The following CSGALNACT1 variants were observed in gnomAD, a reference collection of about 807,000 sequenced individuals.
CSGALNACT1 encodes chondroitin sulfate N-acetylgalactosaminyltransferase 1, also known as beta4GalNAcT-1.
A neutral mutation model predicts 51.0 loss-of-function variants in CSGALNACT1; 52 were observed. The ratio of observed to expected loss-of-function variants is 1.02; its 90% CI spans 0.82 to 1.29. The LOEUF (loss-of-function observed/expected upper bound fraction) is 1.29. CSGALNACT1 is among the 50% of genes most tolerant of loss of function. The probability of loss-of-function intolerance (pLI) is 0.00; values close to 1 mark genes in which losing one functional copy is unlikely to be tolerated. For missense variants in CSGALNACT1, 935 were observed against 679.2 expected (o/e 1.38, Z -4.19); for synonymous variants, 341 against 254.4 (o/e 1.34, Z -3.24).
intron 4 of CSGALNACT1, among the ~76,000 whole-genome samples, chr8:19,497,094 G>A (rs2075624017): frequency 6.6e-6 from 1 of 152,148 alleles, no homozygotes; most frequent in Admixed American, 6.5e-5. Context: ...AAGGCGGAGT[G>A]GGGACAGGAA....
chr8:19,463,332 C>G (rs1485306752), intron 4 of CSGALNACT1, among the ~76,000 whole-genome samples: 11 of 152,146 alleles, frequency 7.2e-5, no homozygotes, highest in Admixed American at 7.2e-4. Context: ...CCAGCAAAAG[C>G]CATACCCAGC....
chr8:19,509,270 C>A (rs967175921), intron 3 of CSGALNACT1, among the ~76,000 whole-genome samples: 1 of 152,110 alleles, frequency 6.6e-6, no homozygotes, highest in African/African-American at 2.4e-5. Context: ...CCTTCGGATT[C>A]TTGCTTCTGT....
At chr8:19,608,404 T>A (rs1296027542) in intron 1 of CSGALNACT1, among the ~76,000 whole-genome samples, 1 of 152,170 alleles carries the variant, frequency 6.6e-6, no homozygotes, top group Non-Finnish European at 1.5e-5. Context: ...ATGAAATAAT[T>A]GTGTGACCCT....
intron 3 of CSGALNACT1, among the ~76,000 whole-genome samples, chr8:19,571,370 G>A (rs564049775): frequency 6.6e-6 from 1 of 152,006 alleles, no homozygotes; most frequent in Non-Finnish European, 1.5e-5. Flanking sequence ...GAATTCTAGA[G>A]TGGGGGGCAC....
intron 8 of CSGALNACT1, among the ~76,000 whole-genome samples, chr8:19,417,017 G>A (rs865954204): frequency 1.3e-5 from 2 of 151,918 alleles, no homozygotes; most frequent in African/African-American, 2.4e-5. Flanking sequence ...CACTATGCAC[G>A]CCTAATTTTT....
At chr8:19,425,834 A>C (rs892713823) in intron 6 of CSGALNACT1, among the ~76,000 whole-genome samples, 15 of 152,052 alleles carry the variant, frequency 9.9e-5, no homozygotes, top group Non-Finnish European at 1.8e-4. Context: ...CTCTTCCCTC[A>C]AATACGCGCT....
chr8:19,663,103 A>G (rs895792163), intron 1 of CSGALNACT1, among the ~76,000 whole-genome samples: 2 of 152,188 alleles, frequency 1.3e-5, no homozygotes, highest in East Asian at 1.9e-4. Context: ...CACTGCCTCC[A>G]CAATGCCCCA....
intron 1 of CSGALNACT1, among the ~76,000 whole-genome samples, chr8:19,659,422 T>C (rs1274134164): frequency 1.3e-5 from 2 of 152,210 alleles, no homozygotes; most frequent in East Asian, 3.9e-4. Context: ...ACATGAATTC[T>C]CATTGCCAAT....
intron 1 of CSGALNACT1, among the ~76,000 whole-genome samples, chr8:19,740,232 G>A (rs1218928872): frequency 1.3e-5 from 2 of 152,126 alleles, no homozygotes; most frequent in Non-Finnish European, 2.9e-5. Context: ...TCTCCAACAC[G>A]CTTGGCAGCG....
chr8:19,541,669 G>C (rs1031270786), intron 3 of CSGALNACT1, among the ~76,000 whole-genome samples: 1 of 148,392 alleles, frequency 6.7e-6, no homozygotes, highest in Non-Finnish European at 1.5e-5. Flanking sequence ...CAAAAGTCCT[G>C]GGATTACAGG....
chr8:19,627,215 C>T (rs1422244412), intron 1 of CSGALNACT1, among the ~76,000 whole-genome samples: 8 of 152,060 alleles, frequency 5.3e-5, no homozygotes, highest in Non-Finnish European at 2.9e-5. Context: ...TAATTGGCAA[C>T]AAAAAGCAAT....
At chr8:19,680,579 C>G (rs1486586153) in intron 1 of CSGALNACT1, among the ~76,000 whole-genome samples, 1 of 104,690 alleles carries the variant, frequency 9.6e-6, no homozygotes, top group Admixed American at 9.8e-5. Context: ...CCCCCCCCCC[C>G]ACAAAAAAAG....
At chr8:19,703,896 C>G (rs766475445) in intron 1 of CSGALNACT1, among the ~76,000 whole-genome samples, 2 of 152,168 alleles carry the variant, frequency 1.3e-5, no homozygotes, top group Admixed American at 6.5e-5. Flanking sequence ...TTATCCTACA[C>G]GCAGCTCTCA....
chr8:19,499,191 A>G (rs2153981813), intron 4 of CSGALNACT1, among the ~76,000 whole-genome samples: 1 of 152,336 alleles, frequency 6.6e-6, no homozygotes, highest in African/African-American at 2.4e-5. Flanking sequence ...CATATCTTCT[A>G]GGAAGCCTGT....
At position 19,506,147 on chromosome 8, in the gene CSGALNACT1, A is replaced by T. The variant is rs2077285600; in HGVS notation, c.-296-17T>A. On this transcript the variant is annotated splice_polypyrimidine_tract_variant and intron_variant, in intron 3 of 9. Transcript: ENST00000454498. ...AGAGGGGACCTGGGAAGAAACACAA[A>T]TGACATCAACACTTAATCAAGACAA... 3 of 563,594 alleles carry T rather than the reference A, an allele frequency of 5.3e-6. No homozygotes were observed. The highest frequency in any genetic ancestry group is 4.9e-4 in the Middle Eastern group (1 of 2,052). 34.9% of individuals were successfully genotyped at this position (563,594 alleles called of 1,614,324 possible).
chr8:19,523,970 G>T (rs17128556), intron 3 of CSGALNACT1, among the ~76,000 whole-genome samples: 6,117 of 152,202 alleles, frequency 0.04, 303 homozygotes, highest in East Asian at 0.13. Flanking sequence ...GGAAAAACTT[G>T]GGAGAATACC....
upstream of CSGALNACT1, among the ~76,000 whole-genome samples, chr8:19,686,707 A>G (rs2060997890): frequency 6.6e-6 from 1 of 152,244 alleles, no homozygotes; most frequent in South Asian, 2.1e-4. Context: ...TAGATAGGAT[A>G]AAATAATAGA....
chr8:19,596,784 T>C (rs1177814602), intron 2 of CSGALNACT1, among the ~76,000 whole-genome samples: 5 of 152,190 alleles, frequency 3.3e-5, no homozygotes. Context: ...TAAAGGATAA[T>C]CATTATAAAA....
At chr8:19,666,867 A>G (rs1479761410) in intron 1 of CSGALNACT1, among the ~76,000 whole-genome samples, 9 of 122,950 alleles carry the variant, frequency 7.3e-5, no homozygotes, top group East Asian at 2.0e-4. Flanking sequence ...GAAAGAAAGA[A>G]AGAAAGAAAG....
Sources: allele counts gnomAD v4.1 joint callset (sites outside exome capture counted in the v4.1 genomes callset), GRCh38; gene constraint gnomAD v4.1.1; transcripts MANE v1.5; gene names NCBI Gene and HGNC (gene_info 2026-07-23, HGNC 2026-07-21).